CADPS2: variants seen among roughly 807,000 people sequenced by gnomAD.
The protein encoded by CADPS2 is calcium dependent secretion activator 2.
Under a neutral mutation model 172.5 loss-of-function variants are expected in CADPS2, and 93 were observed. The ratio of observed to expected loss-of-function variants is 0.54; its 90% CI spans 0.46 to 0.64. The LOEUF (loss-of-function observed/expected upper bound fraction) is 0.64, where lower values mean the gene tolerates loss of function less well. Among genes scored for constraint, CADPS2 ranks in the 30% least tolerant of loss-of-function variants. The pLI is 0.00. For missense variants in CADPS2, 1,420 were observed against 1,565.9 expected (o/e 0.91, Z 1.57); for synonymous variants, 546 against 555.2 (o/e 0.98, Z 0.23).
chr7:122,747,903 TCTC>T (rs561152794), intron 1 of CADPS2, among the ~76,000 whole-genome samples: 193 of 152,206 alleles, frequency 1.3e-3, no homozygotes, highest in African/African-American at 4.2e-3. Context: ...CTCCAAGAAA[TCTC>T]CTTCTTTCTG....
At chr7:122,564,846 TGCACACACAC>T (rs1563717997) in intron 7 of CADPS2, among the ~76,000 whole-genome samples, 2 of 75,214 alleles carry the variant, frequency 2.7e-5, no homozygotes, top group African/African-American at 5.8e-5. Flanking sequence ...TACACACACA[TGCACACACAC>T]ACACACACAC....
chr7:122,398,509 A>G (rs1335787749), intron 20 of CADPS2, among the ~76,000 whole-genome samples: 2 of 152,204 alleles, frequency 1.3e-5, no homozygotes, highest in Non-Finnish European at 2.9e-5. Flanking sequence ...AAATCACAAT[A>G]AAATCAACAG....
At chr7:122,390,854 G>A (rs558880192) in intron 22 of CADPS2, among the ~76,000 whole-genome samples, 6 of 151,836 alleles carry the variant, frequency 4.0e-5, no homozygotes, top group East Asian at 1.9e-4. Context: ...TAAAGAATTC[G>A]AATGTGAGTA....
intron 1 of CADPS2, among the ~76,000 whole-genome samples, chr7:122,842,209 C>T (rs766297696): frequency 5.9e-5 from 9 of 152,250 alleles, no homozygotes; most frequent in Non-Finnish European, 1.2e-4. Context: ...TCTTTCCTCC[C>T]TCTGCTTCTG....
In CADPS2 at chr7:122,445,481, T is replaced by C. The variant is rs189337954; in HGVS notation, c.2289-3906A>G. 3.9e-3 allele frequency among the ~76,000 whole-genome samples: 592 copies of C among 152,196 alleles called. 5 individuals carry two copies. The highest frequency in any genetic ancestry group is 0.013 in the African/African-American group (556 of 41,560). ...TTATTGTAAATGATATTATTTAATT[T>C]CAATTTCTGATTGTTGCCAGTATAT... On this transcript the variant is annotated intron_variant, in intron 15 of 29. Transcript: ENST00000449022.
At chr7:122,343,461 T>C (rs796769815) in intron 28 of CADPS2, among the ~76,000 whole-genome samples, 12 of 152,352 alleles carry the variant, frequency 7.9e-5, no homozygotes, top group African/African-American at 2.9e-4. Context: ...CTGTCTGTTA[T>C]CATTGCCACA....
chr7:122,485,872 A>C (rs552782187), intron 11 of CADPS2, among the ~76,000 whole-genome samples: 2 of 152,258 alleles, frequency 1.3e-5, no homozygotes, highest in South Asian at 4.1e-4. Flanking sequence ...ATGTTTATTA[A>C]CCATTTTGAA....
chr7:122,726,263 A>G (rs748735614), intron 2 of CADPS2, among the ~76,000 whole-genome samples: 29 of 152,068 alleles, frequency 1.9e-4, no homozygotes, highest in Non-Finnish European at 3.2e-4. Flanking sequence ...CCTCCCAATA[A>G]GTACTTTGAT....
At position 122,581,302 on chromosome 7, in the gene CADPS2, T is replaced by TA. The variant is rs747661164; in HGVS notation, c.1224-13dup. ...CTTGAGTCCCCCATCTGTAATGAAGTAAAAAAAATGTTTCTTAAAATGCAG... is the reference window on the plus strand; with the variant it reads ...CTTGAGTCCCCCATCTGTAATGAAGTAAAAAAAAATGTTTCTTAAAATGCAG... On this transcript the variant is annotated splice_polypyrimidine_tract_variant and intron_variant, in intron 6 of 29. Transcript: ENST00000449022. 8.6e-5 allele frequency: 137 copies of TA among 1,598,242 alleles called. No individual in the cohort carries two copies. Among genetic ancestry groups the TA allele is most frequent in the African/African-American group, 4.4e-4 (33 of 74,474 alleles).
At chr7:122,654,423 T>C (rs954122441) in intron 3 of CADPS2, among the ~76,000 whole-genome samples, 8 of 152,324 alleles carry the variant, frequency 5.3e-5, no homozygotes, top group African/African-American at 1.9e-4. Context: ...CTCTTGTTAG[T>C]GGCTAATGAA....
intron 20 of CADPS2, among the ~76,000 whole-genome samples, chr7:122,399,047 C>A (rs937637555): frequency 1.3e-5 from 2 of 152,046 alleles, no homozygotes; most frequent in African/African-American, 4.8e-5. Context: ...CCTAAAACCA[C>A]ACCCAGTTCT....
chr7:122,498,536 A>G (rs2058944065), intron 9 of CADPS2, among the ~76,000 whole-genome samples: 1 of 151,416 alleles, frequency 6.6e-6, no homozygotes, highest in Non-Finnish European at 1.5e-5. Flanking sequence ...TATTTTTTTC[A>G]CCTCTTCATT....
intron 1 of CADPS2, among the ~76,000 whole-genome samples, chr7:122,741,733 T>C (rs1159959755): frequency 6.6e-6 from 1 of 152,162 alleles, no homozygotes; most frequent in Non-Finnish European, 1.5e-5. Flanking sequence ...TACATCCTTT[T>C]ATTATCTCAG....
At chr7:122,355,406 C>T (rs2039257748) in intron 27 of CADPS2, among the ~76,000 whole-genome samples, 2 of 151,978 alleles carry the variant, frequency 1.3e-5, no homozygotes, top group South Asian at 4.2e-4. Flanking sequence ...ATGGTGAAAC[C>T]CCATCTCTAT....
intron 6 of CADPS2, among the ~76,000 whole-genome samples, chr7:122,608,478 T>A (rs990990288): frequency 6.6e-6 from 1 of 152,180 alleles, no homozygotes; most frequent in Non-Finnish European, 1.5e-5. Flanking sequence ...TGCAATGTTC[T>A]TTCAATAGTT....
chr7:122,686,796 T>A (rs2083689591), intron 2 of CADPS2, among the ~76,000 whole-genome samples: 1 of 152,200 alleles, frequency 6.6e-6, no homozygotes, highest in Non-Finnish European at 1.5e-5. Flanking sequence ...GCAATTCTCA[T>A]GCTTCAGGCT....
intron 8 of CADPS2, among the ~76,000 whole-genome samples, chr7:122,549,217 C>T (rs886858589): frequency 1.3e-5 from 2 of 151,906 alleles, no homozygotes; most frequent in African/African-American, 4.8e-5. Flanking sequence ...GGCAACATAG[C>T]GAAACCCTGT....
intron 3 of CADPS2, among the ~76,000 whole-genome samples, chr7:122,653,012 A>G (rs973299298): frequency 2.6e-5 from 4 of 151,692 alleles, no homozygotes; most frequent in Admixed American, 1.3e-4. Flanking sequence ...CTGTTTTTCC[A>G]CTCCTGATGC....
At chr7:122,698,104 A>C in intron 2 of CADPS2, 1 of 1,614,060 alleles carries the variant, frequency 6.2e-7, no homozygotes, top group Non-Finnish European at 8.5e-7. Context: ...TTTACAAGTC[A>C]GAATACGAAC....
Sources: allele counts gnomAD v4.1 joint callset (sites outside exome capture counted in the v4.1 genomes callset), GRCh38; gene constraint gnomAD v4.1.1; transcripts MANE v1.5; gene names NCBI Gene and HGNC (gene_info 2026-07-23, HGNC 2026-07-21).